DYDC1: variants seen among roughly 807,000 people sequenced by gnomAD.
The protein encoded by DYDC1 is DPY30 domain-containing protein 1.
DYDC1 carries 21 observed loss-of-function variants against 27.9 expected under a neutral mutation model. The observed-to-expected ratio is 0.75, with a 90% confidence interval of 0.53 to 1.08. The LOEUF (loss-of-function observed/expected upper bound fraction) is 1.08, where lower values mean the gene tolerates loss of function less well. Ranked by LOEUF, DYDC1 falls within the 50% of genes least tolerant of loss-of-function variation. DYDC1 has a pLI of 0.00. For missense variants in DYDC1, 202 were observed against 205.9 expected (o/e 0.98, Z 0.12); for synonymous variants, 67 against 65.8 (o/e 1.02, Z -0.09).
At chr10:80,346,621 C>T (rs868733351) in intron 3 of DYDC1, among the ~76,000 whole-genome samples, 17 of 151,422 alleles carry the variant, frequency 1.1e-4, no homozygotes, top group African/African-American at 2.7e-4. Flanking sequence ...CCACCACGCC[C>T]GGCTAATTTT....
chr10:80,337,091 G>T (rs1258798633), intron 6 of DYDC1: 1 of 976,694 alleles, frequency 1.0e-6, no homozygotes, highest in Admixed American at 6.2e-5. Flanking sequence ...ATGGACGTTA[G>T]CCATTAATAC....
chr10:80,339,178 A>G, intron 4 of DYDC1, 25 bp from the exon 5 acceptor site: 1 of 972,710 alleles, frequency 1.0e-6, no homozygotes, highest in Non-Finnish European at 1.5e-6. Context: ...AATTAAGAAA[A>G]TACTTTGAAT....
At chr10:80,345,623 TTCTC>T (rs1308440012) in intron 3 of DYDC1, among the ~76,000 whole-genome samples, 1 of 152,180 alleles carries the variant, frequency 6.6e-6, no homozygotes, top group African/African-American at 2.4e-5. Context: ...CACTGTTCTA[TTCTC>T]TCTTTTTATG....
At chr10:80,356,308 T>C (rs1007082275) in intron 1 of DYDC1, 19 of 985,572 alleles carry the variant, frequency 1.9e-5, no homozygotes, top group Non-Finnish European at 2.3e-5. Flanking sequence ...AACAGCTGCC[T>C]CCAGCGTGAA....
chr10:80,338,555 G>A lies in DYDC1; in HGVS notation c.416C>T (p.Ser139Leu). ...ILHSEEATLD[S>L]GKTLAEISDR... Reference sequence around the variant, plus strand: ...GCTGATTTCAGCTAGTGTTTTGCCTGAGTCTAGTGTTGCTTCCTACAATCA... The same window carrying A: ...GCTGATTTCAGCTAGTGTTTTGCCTAAGTCTAGTGTTGCTTCCTACAATCA... Residue 139 changes from serine (S) to leucine (L), a missense_variant, in exon 6 of 7, where the codon TCA (serine) becomes TTA (leucine). Transcript: ENST00000372202. 6.2e-7 allele frequency: 1 copy of A among 1,606,168 alleles called. No individual in the cohort carries two copies. Among genetic ancestry groups the A allele is most frequent in the Non-Finnish European group, 8.5e-7 (1 of 1,177,062 alleles).
Position 80,336,137 on chromosome 10 carries a change from G to C in DYDC1, c.*19C>G. The C allele has an allele frequency of 7.2e-7, 1 of 1,395,732 alleles. No homozygotes were observed. 86.5% of individuals were successfully genotyped at this position (1,395,732 alleles called of 1,614,324 possible). A position where few individuals can be genotyped will look rare whatever the true frequency, so the allele number is the denominator to read the frequency against. ...TTTGAAACAAACAAAAACATTTATT[G>C]CTCTTAGGTTGGTTGGTCCTACAAA... On this transcript the variant is annotated 3_prime_UTR_variant, in exon 7 of 7. Coordinates refer to ENST00000372202, the MANE Select transcript of DYDC1 (RefSeq NM_001269053.2).
At chr10:80,351,417 C>T (rs1842964911) in intron 3 of DYDC1, among the ~76,000 whole-genome samples, 1 of 151,000 alleles carries the variant, frequency 6.6e-6, no homozygotes, top group South Asian at 2.1e-4. Context: ...ACAAAAACAT[C>T]TCTCCTTGCT....
intron 1 of DYDC1, chr10:80,354,443 G>GCC (rs1843226047): frequency 7.0e-6 from 1 of 143,344 alleles, no homozygotes; most frequent in Non-Finnish European, 1.5e-5. Context: ...CTGAGATTGT[G>GCC]CCATTGCACT....
At chr10:80,356,429 T>A in intron 1 of DYDC1, 1 of 985,048 alleles carries the variant, frequency 1.0e-6, no homozygotes, top group Non-Finnish European at 1.2e-6. Context: ...AGATACAGTA[T>A]TGTATCTGGC....
At chr10:80,338,718 CAA>C (rs1275626124) in intron 5 of DYDC1, 147 bp from the exon 6 acceptor site, 1 of 825,664 alleles carries the variant, frequency 1.2e-6, no homozygotes, top group African/African-American at 1.8e-5. Context: ...CTGTTAATGA[CAA>C]GAGAATTCTG....
Position 80,338,522 on chromosome 10 carries a change from T to C in DYDC1, c.449A>G (p.Tyr150Cys), listed in dbSNP as rs770357496. The change falls in exon 6 of 7, where the codon TAT becomes TGT. Residue 150 changes from tyrosine (Y) to cysteine (C), a missense_variant. Tyr to Cys is a radical substitution (Grantham distance 194). Coordinates refer to ENST00000372202, the MANE Select transcript of DYDC1 (RefSeq NM_001269053.2). ...GKTLAEISDRYGAPNLSRVEE... is the reference protein window; with the variant it reads ...GKTLAEISDRCGAPNLSRVEE... ...CACTCTGCTCAAGTTAGGTGCTCCA[T>C]AACGATCGCTGATTTCAGCTAGTGT... is the stretch of plus-strand genomic sequence containing the variant. 25 of 1,611,398 alleles carry C rather than the reference T, an allele frequency of 1.6e-5. No individual in the cohort carries two copies. The highest frequency in any genetic ancestry group is 2.0e-5 in the Non-Finnish European group (23 of 1,179,104).
At chr10:80,349,831 G>C (rs1332111737) in intron 3 of DYDC1, among the ~76,000 whole-genome samples, 1 of 152,066 alleles carries the variant, frequency 6.6e-6, no homozygotes, top group African/African-American at 2.4e-5. Context: ...AAACAAAAAA[G>C]CTCTTACTTC....
At chr10:80,356,376 A>G (rs1277084460) in intron 1 of DYDC1, 1 of 985,674 alleles carries the variant, frequency 1.0e-6, no homozygotes. Context: ...ACAGCTAGCC[A>G]GCCAGCCAGC....
At chr10:80,351,208 G>A (rs371977850) in intron 3 of DYDC1, among the ~76,000 whole-genome samples, 24 of 152,142 alleles carry the variant, frequency 1.6e-4, no homozygotes, top group Admixed American at 3.3e-4. Context: ...ACAGTTGTAC[G>A]CAGAAGGTGC....
Position 80,336,971 on chromosome 10 carries a change from A to G in DYDC1, c.505-786T>C, listed in dbSNP as rs546650134. On this transcript the variant is annotated intron_variant, in intron 6 of 6. Transcript: ENST00000372202. ...CAGATTGAATCTTTAAGTCCTTTCA[A>G]TAACTCCTACTGCACTTAAGTCCAA... 5.3e-5 allele frequency among the ~76,000 whole-genome samples: 8 copies of G among 152,342 alleles called. No homozygotes were observed. The South Asian group carries it at 1.7e-3, about 32-fold the overall frequency.
intron 1 of DYDC1, among the ~76,000 whole-genome samples, chr10:80,354,080 C>T (rs1376476007): frequency 6.6e-6 from 1 of 151,020 alleles, no homozygotes; most frequent in East Asian, 1.9e-4. Context: ...CGTGCCACTG[C>T]ACTCCAGCCT....
At chr10:80,342,457 C>T (rs1589501094) in intron 3 of DYDC1, 96 bp from the exon 4 acceptor site, 1 of 1,097,176 alleles carries the variant, frequency 9.1e-7, no homozygotes, top group Non-Finnish European at 1.3e-6. Context: ...AATACATGGT[C>T]ACATCCAACT....
chr10:80,342,994 A>AG (rs1554844271), intron 3 of DYDC1, among the ~76,000 whole-genome samples: 58 of 151,178 alleles, frequency 3.8e-4, no homozygotes, highest in African/African-American at 1.3e-3. Flanking sequence ...AAAAAAAAAA[A>AG]AAAAGAAAAG....
At chr10:80,340,467 C>T (rs908866653) in intron 4 of DYDC1, among the ~76,000 whole-genome samples, 1 of 152,120 alleles carries the variant, frequency 6.6e-6, no homozygotes, top group African/African-American at 2.4e-5. Flanking sequence ...TGGCAGTGGT[C>T]ACACAAGCTG....
Sources: gnomAD v4.1 joint callset for allele counts (sites outside exome capture counted in the v4.1 genomes callset) on GRCh38, gnomAD v4.1.1 for gene constraint, MANE v1.5 for transcripts, NCBI Gene and HGNC (gene_info 2026-07-23, HGNC 2026-07-21) for gene names.